TMEM132D: variants seen among roughly 807,000 people sequenced by gnomAD.
The protein encoded by TMEM132D is transmembrane protein 132D.
TMEM132D carries 21 observed loss-of-function variants against 62.3 expected under a neutral mutation model. The ratio of observed to expected loss-of-function variants is 0.34; its 90% CI spans 0.24 to 0.49. TMEM132D has a LOEUF of 0.49. Among genes scored for constraint, TMEM132D ranks in the 20% least tolerant of loss-of-function variants. The probability of loss-of-function intolerance (pLI) is 0.99; values close to 1 mark genes in which losing one functional copy is unlikely to be tolerated. For synonymous variants in TMEM132D, 621 were observed against 575.6 expected (o/e 1.08, Z -1.13); for missense variants, 1,346 against 1,402.8 (o/e 0.96, Z 0.65).
intron 1 of TMEM132D, among the ~76,000 whole-genome samples, chr12:129,770,007 T>TGG (rs1187814264): frequency 6.6e-6 from 1 of 151,720 alleles, no homozygotes; most frequent in Admixed American, 6.6e-5. Context: ...TTTGTGGAGA[T>TGG]GGGGGTCTTG....
intron 3 of TMEM132D, among the ~76,000 whole-genome samples, chr12:129,466,164 C>A (rs1873887277): frequency 6.6e-6 from 1 of 151,926 alleles, no homozygotes; most frequent in Non-Finnish European, 1.5e-5. Context: ...TCATTATTTT[C>A]TGCAGATTCA....
At chr12:129,641,951 A>C (rs1879650189) in intron 2 of TMEM132D, among the ~76,000 whole-genome samples, 1 of 152,094 alleles carries the variant, frequency 6.6e-6, no homozygotes, top group Non-Finnish European at 1.5e-5. Context: ...ATATCATGCA[A>C]ATTTTCCAAA....
At chr12:129,256,219 T>C (rs1233904602) in intron 4 of TMEM132D, among the ~76,000 whole-genome samples, 1 of 152,036 alleles carries the variant, frequency 6.6e-6, no homozygotes. Context: ...CATACGATTA[T>C]ACTATCTGCA....
chr12:129,588,943 G>A lies in TMEM132D; in HGVS notation c.969-57738C>T, dbSNP rs947082446. ...ATTATCAGAATGCCTTCCTTCAGCC[G>A]TGCCTTGTGATACACAATCTGGGGT... On this transcript the variant is annotated intron_variant, in intron 2 of 8. Coordinates refer to ENST00000422113, the MANE Select transcript of TMEM132D (RefSeq NM_133448.3). Among the ~76,000 whole-genome samples, 4 of 151,958 alleles carry A rather than the reference G, an allele frequency of 2.6e-5. No homozygotes were observed. In the East Asian group the frequency reaches 5.8e-4, roughly 22 times the overall value.
chr12:129,477,143 T>C (rs145066533), intron 3 of TMEM132D, among the ~76,000 whole-genome samples: 99 of 152,318 alleles, frequency 6.5e-4, no homozygotes, highest in African/African-American at 2.2e-3. Flanking sequence ...TCCTGGTCTT[T>C]ACCCATGAGA....
chr12:129,727,893 T>C (rs1869094086), intron 1 of TMEM132D, among the ~76,000 whole-genome samples: 1 of 152,168 alleles, frequency 6.6e-6, no homozygotes, highest in Non-Finnish European at 1.5e-5. Flanking sequence ...CTATTAACAT[T>C]GCAGACAGCT....
chr12:129,088,617 A>C (rs372445241), intron 5 of TMEM132D, among the ~76,000 whole-genome samples: 4 of 29,702 alleles, frequency 1.3e-4, no homozygotes, highest in Admixed American at 4.7e-4. Flanking sequence ...GGTGTCCTCC[A>C]TGACCGGGGT....
chr12:129,477,084 A>C (rs556145743), intron 3 of TMEM132D, among the ~76,000 whole-genome samples: 1 of 152,274 alleles, frequency 6.6e-6, no homozygotes, highest in African/African-American at 2.4e-5. Flanking sequence ...AAGAACTTTA[A>C]AAATTAGTTT....
intron 3 of TMEM132D, among the ~76,000 whole-genome samples, chr12:129,339,104 C>T (rs145999079): frequency 6.6e-6 from 1 of 152,210 alleles, no homozygotes; most frequent in African/African-American, 2.4e-5. Flanking sequence ...AACTCTATCT[C>T]TACTAATAAT....
intron 2 of TMEM132D, among the ~76,000 whole-genome samples, chr12:129,537,271 T>G (rs932908675): frequency 2.6e-5 from 4 of 151,978 alleles, no homozygotes; most frequent in African/African-American, 9.7e-5. Context: ...AAAACATACA[T>G]GAAAATGCAC....
At chr12:129,548,460 G>T (rs930720312) in intron 2 of TMEM132D, among the ~76,000 whole-genome samples, 1 of 152,218 alleles carries the variant, frequency 6.6e-6, no homozygotes, top group Admixed American at 6.5e-5. Context: ...GGAATAGGAA[G>T]ATTTTTCAAG....
chr12:129,534,468 G>C (rs529131322), intron 2 of TMEM132D, among the ~76,000 whole-genome samples: 394 of 151,650 alleles, frequency 2.6e-3, no homozygotes, highest in African/African-American at 8.9e-3. Context: ...ATACATATAT[G>C]TATACATAAT....
chr12:129,724,354 T>G (rs1212350643), intron 1 of TMEM132D, among the ~76,000 whole-genome samples: 1 of 152,150 alleles, frequency 6.6e-6, no homozygotes, highest in Non-Finnish European at 1.5e-5. Flanking sequence ...AGAACATGGG[T>G]GGCTTTAAAG....
chr12:129,244,855 G>T (rs1880051787), intron 4 of TMEM132D, among the ~76,000 whole-genome samples: 1 of 152,020 alleles, frequency 6.6e-6, no homozygotes, highest in African/African-American at 2.4e-5. Context: ...TGGCCAGGCT[G>T]GTCTCAAACT....
chr12:129,774,575 T>A (rs1236136281), intron 1 of TMEM132D, among the ~76,000 whole-genome samples: 1 of 152,192 alleles, frequency 6.6e-6, no homozygotes, highest in Non-Finnish European at 1.5e-5. Context: ...GGGAGCCAAC[T>A]GTAACCGGGG....
At chr12:129,175,597 A>T (rs1220252758) in intron 5 of TMEM132D, among the ~76,000 whole-genome samples, 1 of 152,180 alleles carries the variant, frequency 6.6e-6, no homozygotes, top group Non-Finnish European at 1.5e-5. Flanking sequence ...AATCCAAGCT[A>T]CTTGGGAGGC....
chr12:129,513,848 A>ATTTATTTAT (rs1241155328), intron 3 of TMEM132D, among the ~76,000 whole-genome samples: 174 of 112,758 alleles, frequency 1.5e-3, no homozygotes, highest in African/African-American at 5.4e-3. Context: ...TTATTTATTT[A>ATTTATTTAT]TTTTTTTGAG....
intron 3 of TMEM132D, among the ~76,000 whole-genome samples, chr12:129,464,711 C>G (rs1873823061): frequency 6.6e-6 from 1 of 152,126 alleles, no homozygotes; most frequent in Non-Finnish European, 1.5e-5. Flanking sequence ...TTTCCCAGCA[C>G]CATTTATTAA....
intron 1 of TMEM132D, among the ~76,000 whole-genome samples, chr12:129,814,129 G>A (rs79949557): frequency 0.028 from 4,291 of 152,156 alleles, 187 homozygotes; most frequent in African/African-American, 0.095. Context: ...GCATGTTCTC[G>A]CTCATATGTG....
Sources: gnomAD v4.1 joint callset for allele counts (sites outside exome capture counted in the v4.1 genomes callset) on GRCh38, gnomAD v4.1.1 for gene constraint, MANE v1.5 for transcripts, NCBI Gene and HGNC (gene_info 2026-07-23, HGNC 2026-07-21) for gene names.